The following ARHGAP27 variants were observed in gnomAD, a reference collection of about 807,000 sequenced individuals.
The protein encoded by ARHGAP27 is Rho GTPase activating protein 27.
Under a neutral mutation model 102.0 loss-of-function variants are expected in ARHGAP27, and 53 were observed. The observed-to-expected ratio is 0.52, with a 90% CI of 0.42 to 0.65. The LOEUF is 0.65. ARHGAP27 is among the 30% of genes least tolerant of loss of function. The probability of loss-of-function intolerance (pLI) is 0.00; values close to 1 mark genes in which losing one functional copy is unlikely to be tolerated. For missense variants in ARHGAP27, 1,117 were observed against 1,256.2 expected (o/e 0.89, Z 1.68); for synonymous variants, 525 against 542.8 (o/e 0.97, Z 0.46).
At chr17:45,415,945 T>C (rs2048402609) in intron 4 of ARHGAP27, among the ~76,000 whole-genome samples, 1 of 152,150 alleles carries the variant, frequency 6.6e-6, no homozygotes, top group South Asian at 2.1e-4. Flanking sequence ...GCTTAGGTCA[T>C]AGATGACACT....
chr17:45,419,144 A>AACCAGCTGCCGCTACC (rs2048768749), intron 4 of ARHGAP27, among the ~76,000 whole-genome samples: 1 of 152,154 alleles, frequency 6.6e-6, no homozygotes, highest in African/African-American at 2.4e-5. Context: ...GGACGCACTA[A>AACCAGCTGCCGCTACC]AGATGCCATC....
chr17:45,396,175 GC>G (rs1567687063), intron 17 of ARHGAP27, 31 bp downstream of exon 17: 35 of 1,594,746 alleles, frequency 2.2e-5, no homozygotes, highest in Non-Finnish European at 2.8e-5. Context: ...GCGCCTTCAG[GC>G]CCTGGGGCAG....
At chr17:45,396,832 A>T in intron 14 of ARHGAP27, 42 bp from the exon 15 acceptor site, 1 of 1,607,188 alleles carries the variant, frequency 6.2e-7, no homozygotes, top group Non-Finnish European at 8.5e-7. Context: ...AGGCAGCGCC[A>T]GGGCAGGCCA....
Position 45,404,267 on chromosome 17 carries a change from A to C in ARHGAP27, c.1479+2T>G, listed in dbSNP as rs1325382056. 2 of 1,613,610 alleles carry C rather than the reference A, an allele frequency of 1.2e-6. No homozygotes were observed. Among genetic ancestry groups the C allele is most frequent in the Non-Finnish European group, 1.7e-6 (2 of 1,179,914 alleles). The stretch of plus-strand genomic sequence containing the variant: ...TGGCTGGGGGTAGGGGGTGATGCCT[A>C]CCCTCACAGCAGCTGTGGCAGGAGA... On this transcript the variant is annotated splice_donor_variant, in intron 9 of 19. Coordinates refer to ENST00000685559, the MANE Select transcript of ARHGAP27 (RefSeq NM_001282290.2). LOFTEE classifies it high-confidence loss of function.
rs922677598 is a variant in ARHGAP27 at position 45,396,471 on chromosome 17, C to T, written c.2173+16G>A. On this transcript the variant is annotated intron_variant, in intron 16 of 19. Transcript: ENST00000685559. ...CACCCCAATGCCTGCCGCCCTCACCCCCGCAGCGCACGTACCGCGGGCCTC... is the reference window on the plus strand; with the variant it reads ...CACCCCAATGCCTGCCGCCCTCACCTCCGCAGCGCACGTACCGCGGGCCTC... 14 of 1,519,900 alleles carry T rather than the reference C, an allele frequency of 9.2e-6. No individual in the cohort carries two copies. The highest frequency in any genetic ancestry group is 1.2e-5 in the South Asian group (1 of 82,156). The allele number at this position is 1,519,900 out of a possible 1,614,324, so 94.2% of individuals were successfully genotyped here.
intron 4 of ARHGAP27, chr17:45,407,505 T>C (rs1343339785): frequency 6.9e-6 from 1 of 145,458 alleles, no homozygotes; most frequent in East Asian, 1.9e-4. Context: ...TTTCTTTTTC[T>C]TTTTCTTTTT....
intron 4 of ARHGAP27, among the ~76,000 whole-genome samples, chr17:45,412,420 C>T (rs1388111640): frequency 6.6e-6 from 1 of 152,244 alleles, no homozygotes; most frequent in Non-Finnish European, 1.5e-5. Flanking sequence ...TCACTCTTCC[C>T]TCCCAAACCC....
intron 4 of ARHGAP27, among the ~76,000 whole-genome samples, chr17:45,414,929 C>T (rs1354437654): frequency 7.5e-6 from 1 of 133,244 alleles, no homozygotes; most frequent in African/African-American, 2.8e-5. Context: ...AAAAAATAGG[C>T]GTGGTGGCAG....
At chr17:45,409,239 T>C (rs2047601353) in intron 4 of ARHGAP27, 1 of 152,278 alleles carries the variant, frequency 6.6e-6, no homozygotes, top group African/African-American at 2.4e-5. Context: ...GATGAGCTGA[T>C]AAGGAACAGG....
At chr17:45,414,603 G>C (rs1327538745) in intron 4 of ARHGAP27, among the ~76,000 whole-genome samples, 2 of 138,220 alleles carry the variant, frequency 1.4e-5, no homozygotes, top group African/African-American at 5.3e-5. Context: ...ACACCACCAC[G>C]CCCGGCTAAT....
intron 4 of ARHGAP27, among the ~76,000 whole-genome samples, chr17:45,428,057 ACTCT>A (rs1359583188): frequency 6.6e-6 from 1 of 152,044 alleles, no homozygotes; most frequent in African/African-American, 2.4e-5. Flanking sequence ...CTCAACACAC[ACTCT>A]CTGTGCACTC....
chr17:45,396,812 C>T (rs769483282), intron 14 of ARHGAP27, 22 bp from the exon 15 acceptor site: 1 of 1,608,686 alleles, frequency 6.2e-7, no homozygotes, highest in Non-Finnish European at 8.5e-7. Flanking sequence ...AAAGGCAGGA[C>T]TGAGTCAGGA....
rs527260163 is a variant in ARHGAP27, at chr17:45,418,547, G to A, written c.657+11076C>T. Among the ~76,000 whole-genome samples the A allele has an allele frequency of 2.0e-4, 30 of 152,092 alleles. No individual in the cohort carries two copies. In the South Asian group the frequency reaches 2.3e-3, roughly 12 times the overall value. On this transcript the variant is annotated intron_variant, in intron 4 of 19. Transcript: ENST00000685559. ...TGCCCTTCCAGCTCCCCCCACCCCC[G>A]AAGTGTTACAAAGTAGTTCCTCTCC...
intron 13 of ARHGAP27, chr17:45,397,553 C>A (rs1051816146): frequency 2.3e-5 from 5 of 219,340 alleles, no homozygotes; most frequent in Admixed American, 2.2e-4. Flanking sequence ...GGGCCCCTGT[C>A]CTAGCTCTAC....
At position 45,395,974 on chromosome 17, in the gene ARHGAP27, G is replaced by A; in HGVS notation, c.2386+9C>T. 1 of 1,606,054 alleles carries A rather than the reference G, an allele frequency of 6.2e-7. No homozygotes were observed. Among genetic ancestry groups the A allele is most frequent in the Non-Finnish European group, 8.5e-7 (1 of 1,175,438 alleles). ...TACCCCATCCGCCCCACCTGCCCCAGGTGCTCACTGATGGCCGCAATGAAC... is the reference window on the plus strand; with the variant it reads ...TACCCCATCCGCCCCACCTGCCCCAAGTGCTCACTGATGGCCGCAATGAAC... On this transcript the variant is annotated intron_variant, in intron 18 of 19. Transcript: ENST00000685559.
At chr17:45,415,986 A>G (rs2048405447) in intron 4 of ARHGAP27, among the ~76,000 whole-genome samples, 1 of 152,134 alleles carries the variant, frequency 6.6e-6, no homozygotes, top group Non-Finnish European at 1.5e-5. Context: ...CTCAGATATA[A>G]TAATGGTAGG....
chr17:45,405,184 C>T, intron 5 of ARHGAP27, 78 bp from the exon 6 acceptor site: 9 of 1,450,012 alleles, frequency 6.2e-6, no homozygotes, highest in Non-Finnish European at 8.3e-6. Context: ...GGACCAGGCC[C>T]ACCCCCTTGC....
At chr17:45,398,126 C>A in intron 12 of ARHGAP27, 79 bp from the exon 13 acceptor site, 1 of 1,248,654 alleles carries the variant, frequency 8.0e-7, no homozygotes, top group Non-Finnish European at 1.1e-6. Flanking sequence ...GGGGTAGGTA[C>A]AGAGATAGAG....
At chr17:45,421,381 CTG>C (rs1567729984) in intron 4 of ARHGAP27, among the ~76,000 whole-genome samples, 36 of 151,168 alleles carry the variant, frequency 2.4e-4, no homozygotes, top group African/African-American at 8.0e-4. Context: ...TCTCAGGAGA[CTG>C]AGGTGGGAGG....
Sources: gnomAD v4.1 joint callset for allele counts (sites outside exome capture counted in the v4.1 genomes callset) on GRCh38, gnomAD v4.1.1 for gene constraint, MANE v1.5 for transcripts, NCBI Gene and HGNC (gene_info 2026-07-23, HGNC 2026-07-21) for gene names.